Variants in NRP2 observed in about 807,000 individuals in gnomAD.
NRP2 encodes the protein neuropilin-2.
NRP2 carries 52 observed loss-of-function variants against 110.4 expected under a neutral mutation model. The observed-to-expected ratio is 0.47, with a 90% CI of 0.38 to 0.59. The LOEUF (loss-of-function observed/expected upper bound fraction) is 0.59. NRP2 is among the 20% of genes least tolerant of loss of function. The pLI is 0.00. For missense variants in NRP2, 1,049 were observed against 1,203.0 expected (o/e 0.87, Z 1.89); for synonymous variants, 508 against 468.9 (o/e 1.08, Z -1.08).
chr2:205,689,424 C>T (rs1367446901), intron 1 of NRP2, among the ~76,000 whole-genome samples: 1 of 152,162 alleles, frequency 6.6e-6, no homozygotes, highest in Non-Finnish European at 1.5e-5. Flanking sequence ...CATATGAAGC[C>T]CATTCTGAAG....
At chr2:205,793,824 G>A (rs1211789785) in intron 16 of NRP2, among the ~76,000 whole-genome samples, 2 of 152,170 alleles carry the variant, frequency 1.3e-5, no homozygotes, top group East Asian at 3.9e-4. Flanking sequence ...GAATTTAAGT[G>A]TCTGGGAGGG....
chr2:205,701,914 A>T (rs1388101407), intron 2 of NRP2, among the ~76,000 whole-genome samples: 1 of 152,208 alleles, frequency 6.6e-6, no homozygotes, highest in Non-Finnish European at 1.5e-5. Context: ...TTTCTCAATG[A>T]TTCAGGCTTT....
chr2:205,743,110 T>C, intron 8 of NRP2, 93 bp from the exon 9 acceptor site: 1 of 1,598,156 alleles, frequency 6.3e-7, no homozygotes, highest in Middle Eastern at 1.7e-4. Context: ...TATTTGACAG[T>C]TGGGCTCTTT....
At position 205,794,807 on chromosome 2, in the gene NRP2, G is replaced by A. The variant is rs757012265; in HGVS notation, c.2530G>A (p.Ala844Thr). 2.7e-5 allele frequency: 44 copies of A among 1,614,160 alleles called. No homozygotes were observed. Among genetic ancestry groups the A allele is most frequent in the Admixed American group, 1.0e-4 (6 of 60,024 alleles). ...NSSSATSGSG[A>T]PSTDKEKSWL... Reference sequence around the variant, plus strand: ...TTCTTCTGCAACCTCAGGGTCTGGCGCCCCCTCGACCGACAAAGAAAAGAG... The same window carrying A: ...TTCTTCTGCAACCTCAGGGTCTGGCACCCCCTCGACCGACAAAGAAAAGAG... Residue 844 changes from alanine to threonine, a missense_variant, in exon 17 of 17, where the codon GCC (alanine) becomes ACC (threonine). Physicochemically the swap from Ala to Thr is moderately conservative, Grantham distance 58 (BLOSUM62 0). Coordinates refer to ENST00000357785, the MANE Select transcript of NRP2 (RefSeq NM_003872.3).
chr2:205,760,360 A>T (rs1018922168), intron 12 of NRP2, among the ~76,000 whole-genome samples: 1 of 152,144 alleles, frequency 6.6e-6, no homozygotes, highest in Non-Finnish European at 1.5e-5. Flanking sequence ...TTAAATTTAC[A>T]TATCATCTTT....
chr2:205,776,326 A>G (rs372276934), intron 15 of NRP2: 2 of 1,612,998 alleles, frequency 1.2e-6, no homozygotes, highest in Non-Finnish European at 1.7e-6. Flanking sequence ...GTATTACGTA[A>G]TGGCCGCCGG....
chr2:205,740,776 G>C, intron 8 of NRP2, 113 bp downstream of exon 8: 3 of 1,235,836 alleles, frequency 2.4e-6, no homozygotes, highest in Non-Finnish European at 3.4e-6. Context: ...AGAAAGACTG[G>C]CTCAAGGACT....
At chr2:205,774,164 A>T (rs2058063912) in intron 15 of NRP2, among the ~76,000 whole-genome samples, 2 of 152,182 alleles carry the variant, frequency 1.3e-5, no homozygotes, top group South Asian at 4.1e-4. Flanking sequence ...CAGGCAGCAG[A>T]TCCTCTTGGT....
chr2:205,794,680 G>A, intron 16 of NRP2, 74 bp from the exon 17 acceptor site: 1 of 1,476,606 alleles, frequency 6.8e-7, no homozygotes, highest in Non-Finnish European at 9.4e-7. Context: ...AGAGCCTCTG[G>A]GCTGGGGAGG....
In NRP2 at chr2:205,725,882, C is replaced by T. The variant is rs774434384; in HGVS notation, c.821-31C>T. The T allele has an allele frequency of 3.1e-6, 5 of 1,613,112 alleles. No individual in the cohort carries two copies. The highest frequency in any genetic ancestry group is 1.1e-5 in the South Asian group (1 of 91,030). ...ATCCCGAGGTATGAGGTTGGAAGGC[C>T]TAACTGCATTTGACCGTCTGCTTTC... On this transcript the variant is annotated intron_variant, in intron 5 of 16. Coordinates refer to ENST00000357785, the MANE Select transcript of NRP2 (RefSeq NM_003872.3). This position sits in a 1 kb window ranked among gnomAD's most constrained non-coding sequence, Gnocchi z 4.1.
chr2:205,777,706 A>G (rs1416819724), intron 15 of NRP2: 2 of 152,238 alleles, frequency 1.3e-5, no homozygotes, highest in African/African-American at 2.4e-5. Flanking sequence ...AAAAGGGATC[A>G]TTTGCTTTCC....
intron 6 of NRP2, among the ~76,000 whole-genome samples, chr2:205,726,339 G>C (rs576093153): frequency 1.2e-4 from 19 of 152,230 alleles, no homozygotes; most frequent in Non-Finnish European, 2.8e-4. Context: ...CCAGGATGCT[G>C]TTTGCCCTAT....
At chr2:205,782,859 T>C (rs2058192332) in intron 15 of NRP2, among the ~76,000 whole-genome samples, 1 of 150,650 alleles carries the variant, frequency 6.6e-6, no homozygotes, top group Non-Finnish European at 1.5e-5. Context: ...TGTCTAGTTT[T>C]TTTTTTTTTT....
chr2:205,751,667 G>A (rs979537807), intron 11 of NRP2, among the ~76,000 whole-genome samples: 1 of 152,100 alleles, frequency 6.6e-6, no homozygotes, highest in African/African-American at 2.4e-5. Flanking sequence ...GCAGTGCCCT[G>A]CCCCCCATGA....
At chr2:205,722,240 A>T (rs2057035291) in intron 3 of NRP2, 1 of 552,192 alleles carries the variant, frequency 1.8e-6, no homozygotes, top group South Asian at 2.0e-5. Flanking sequence ...CCACTCCCCA[A>T]TTCCTCAATT....
chr2:205,703,237 A>G (rs1354199530), intron 2 of NRP2, among the ~76,000 whole-genome samples: 1 of 152,224 alleles, frequency 6.6e-6, no homozygotes, highest in Non-Finnish European at 1.5e-5. Flanking sequence ...GGGGTAGGAC[A>G]CAGGCCAAGA....
chr2:205,716,418 A>T (rs1330774755), intron 3 of NRP2, 44 bp downstream of exon 3: 8 of 1,604,412 alleles, frequency 5.0e-6, no homozygotes, highest in Non-Finnish European at 6.8e-6. Flanking sequence ...GGCGTCTTAG[A>T]GAAGAAGGAG....
intron 2 of NRP2, among the ~76,000 whole-genome samples, chr2:205,703,241 G>A (rs1056912047): frequency 1.3e-5 from 2 of 152,176 alleles, no homozygotes; most frequent in Non-Finnish European, 2.9e-5. Context: ...TAGGACACAG[G>A]CCAAGAATGT....
chr2:205,792,905 G>GTC (rs1172722209), intron 16 of NRP2, among the ~76,000 whole-genome samples: 2 of 152,118 alleles, frequency 1.3e-5, no homozygotes, highest in South Asian at 2.1e-4. Context: ...AATAGCACAG[G>GTC]TCTCTCTCTG....
Sources: gnomAD v4.1 joint callset for allele counts (sites outside exome capture counted in the v4.1 genomes callset) on GRCh38, gnomAD v4.1.1 for gene constraint, Gnocchi (gnomAD v3.1) non-coding constraint, MANE v1.5 for transcripts, NCBI Gene and HGNC (gene_info 2026-07-23, HGNC 2026-07-21) for gene names.